NUDT3: variants seen among roughly 807,000 people sequenced by gnomAD.
NUDT3 encodes the protein nudix hydrolase 3.
NUDT3 carries 9 observed loss-of-function variants against 23.6 expected under a neutral mutation model. The ratio of observed to expected loss-of-function variants is 0.38; its 90% confidence interval spans 0.23 to 0.66. The LOEUF (loss-of-function observed/expected upper bound fraction) is 0.66. Ranked by LOEUF, NUDT3 falls within the 30% of genes least tolerant of loss-of-function variation. The pLI is 0.52. For missense variants in NUDT3, 172 were observed against 218.5 expected, an observed-to-expected ratio of 0.79 and a Z score of 1.34; for synonymous variants, 86 against 82.6, an observed-to-expected ratio of 1.04 and a Z score of -0.22.
chr6:34,298,164 C>A (rs759010733), intron 2 of NUDT3, among the ~76,000 whole-genome samples: 2 of 151,986 alleles, frequency 1.3e-5, no homozygotes, highest in Non-Finnish European at 2.9e-5. Context: ...GAGTTCGAGA[C>A]CAGCCTGGGC....
At chr6:34,354,108 G>A (rs185289463) in intron 1 of NUDT3, among the ~76,000 whole-genome samples, 1 of 151,650 alleles carries the variant, frequency 6.6e-6, no homozygotes, top group Admixed American at 6.6e-5. Context: ...AGTAGAGACA[G>A]GGTTTCACCA....
At chr6:34,289,296 G>A (rs1160691656) in intron 4 of NUDT3, among the ~76,000 whole-genome samples, 1 of 152,228 alleles carries the variant, frequency 6.6e-6, no homozygotes, top group Non-Finnish European at 1.5e-5. Context: ...GCCGGATGAG[G>A]TGGCTCACGC....
At chr6:34,371,448 C>G (rs1764827397) in intron 1 of NUDT3, among the ~76,000 whole-genome samples, 1 of 151,414 alleles carries the variant, frequency 6.6e-6, no homozygotes, top group Non-Finnish European at 1.5e-5. Flanking sequence ...CCTGGCAACA[C>G]AGCAAGACTC....
At chr6:34,314,854 TATC>T (rs1181450878) in intron 2 of NUDT3, among the ~76,000 whole-genome samples, 9 of 152,296 alleles carry the variant, frequency 5.9e-5, no homozygotes, top group African/African-American at 2.2e-4. Context: ...GCAGATATTA[TATC>T]ATGATATCTA....
At chr6:34,350,650 C>CTTAA in intron 1 of NUDT3, among the ~76,000 whole-genome samples, 1 of 150,786 alleles carries the variant, frequency 6.6e-6, no homozygotes, top group South Asian at 2.1e-4. Flanking sequence ...GTTTCTAGAG[C>CTTAA]TTTAAAGCCA....
chr6:34,297,733 ATAT>A (rs1561898955), intron 2 of NUDT3, among the ~76,000 whole-genome samples: 2,526 of 25,864 alleles, frequency 0.098, 58 homozygotes, highest in Middle Eastern at 0.17. Context: ...AAAAAAAAAT[ATAT>A]ATATATATAT....
At chr6:34,322,405 A>G (rs1395531509) in intron 2 of NUDT3, among the ~76,000 whole-genome samples, 2 of 151,946 alleles carry the variant, frequency 1.3e-5, no homozygotes, top group Non-Finnish European at 2.9e-5. Context: ...AATTTTTTGT[A>G]TTTTTAGTAG....
chr6:34,340,240 G>A (rs1764268140), intron 2 of NUDT3, among the ~76,000 whole-genome samples: 1 of 152,194 alleles, frequency 6.6e-6, no homozygotes, highest in Non-Finnish European at 1.5e-5. Context: ...TAATACTGCT[G>A]AGTCAGCCAA....
At chr6:34,358,036 T>C (rs1485190659) in intron 1 of NUDT3, among the ~76,000 whole-genome samples, 2 of 152,226 alleles carry the variant, frequency 1.3e-5, no homozygotes, top group Non-Finnish European at 2.9e-5. Context: ...TGTTCCTATA[T>C]GCATTGAAGT....
chr6:34,348,142 T>C (rs994609226), intron 1 of NUDT3, among the ~76,000 whole-genome samples: 1 of 151,596 alleles, frequency 6.6e-6, no homozygotes, highest in African/African-American at 2.4e-5. Flanking sequence ...AAAAATTAGC[T>C]GGGCACGATG....
intron 1 of NUDT3, among the ~76,000 whole-genome samples, chr6:34,389,564 G>A (rs1158437166): frequency 2.0e-5 from 3 of 151,452 alleles, no homozygotes; most frequent in South Asian, 2.1e-4. Context: ...AGGCTGAGAC[G>A]GGAGGATTGC....
chr6:34,293,107 G>A (rs532573558), intron 4 of NUDT3, among the ~76,000 whole-genome samples: 2 of 152,220 alleles, frequency 1.3e-5, no homozygotes, highest in African/African-American at 4.8e-5. Context: ...CTGTTGCCTA[G>A]GCTGGAGTGC....
At chr6:34,344,983 T>A (rs1005420740) in intron 1 of NUDT3, among the ~76,000 whole-genome samples, 4 of 152,082 alleles carry the variant, frequency 2.6e-5, no homozygotes, top group Non-Finnish European at 5.9e-5. Flanking sequence ...TAATGGTATG[T>A]TACATGAATT....
At chr6:34,320,383 C>T (rs145518601) in intron 2 of NUDT3, among the ~76,000 whole-genome samples, 2,398 of 152,216 alleles carry the variant, frequency 0.016, 55 homozygotes, top group African/African-American at 0.052. Flanking sequence ...CCTGCCACCA[C>T]GCCCAGCTGA....
intron 1 of NUDT3, among the ~76,000 whole-genome samples, chr6:34,369,442 T>C (rs983433481): frequency 1.3e-5 from 2 of 152,234 alleles, no homozygotes; most frequent in Non-Finnish European, 2.9e-5. Context: ...CATTAAGACT[T>C]GTGTCAGACT....
chr6:34,338,410 G>A (rs74560655), intron 2 of NUDT3, among the ~76,000 whole-genome samples: 14,316 of 152,162 alleles, frequency 0.094, 782 homozygotes, highest in Non-Finnish European at 0.12. Context: ...CCGGCATGCC[G>A]TACAAACTGT....
intron 4 of NUDT3, among the ~76,000 whole-genome samples, chr6:34,292,117 T>C (rs998456755): frequency 1.3e-5 from 2 of 152,210 alleles, no homozygotes. Flanking sequence ...GCTCTGAGGA[T>C]AGGGCCACAC....
intron 2 of NUDT3, among the ~76,000 whole-genome samples, chr6:34,315,576 G>A (rs1025353425): frequency 3.3e-5 from 5 of 151,920 alleles, no homozygotes; most frequent in African/African-American, 4.8e-5. Flanking sequence ...GCACAACCCT[G>A]TTTCAAAAAA....
At chr6:34,299,483 C>A (rs1016263623) in intron 2 of NUDT3, among the ~76,000 whole-genome samples, 1 of 151,882 alleles carries the variant, frequency 6.6e-6, no homozygotes, top group African/African-American at 2.4e-5. Flanking sequence ...CAGGCTAGGG[C>A]GCATGGTCAT....
Sources: gnomAD v4.1 joint callset for allele counts (sites outside exome capture counted in the v4.1 genomes callset) on GRCh38, gnomAD v4.1.1 for gene constraint, MANE v1.5 for transcripts, NCBI Gene and HGNC (gene_info 2026-07-23, HGNC 2026-07-21) for gene names.